Variants in CASP9 observed in about 807,000 individuals in gnomAD.
The protein encoded by CASP9 is caspase 9, also known as caspase-9.
Under a neutral mutation model 43.5 loss-of-function variants are expected in CASP9, and 29 were observed. The observed-to-expected ratio is 0.67, with a 90% confidence interval of 0.50 to 0.91. The LOEUF is 0.91. Among genes scored for constraint, CASP9 ranks in the 40% least tolerant of loss-of-function variants. CASP9 has a pLI of 0.00. For synonymous variants in CASP9, 206 were observed against 211.9 expected (o/e 0.97, Z 0.24); for missense variants, 575 against 537.4 (o/e 1.07, Z -0.69).
In CASP9 at chr1:15,518,241, GCTGCTTGC is replaced by G; in HGVS notation, c.279_286del (p.Arg93SerfsTer43). On this transcript the variant is annotated frameshift_variant, in exon 2 of 9. Transcript: ENST00000333868. LOFTEE classifies it high-confidence loss of function. Reference sequence around the variant, plus strand: ...TTCTAGGGTTGGCTTCGACAACTTTGCTGCTTGCCTGTTAGTTCGCAGAAACGAAGCCA... The same window carrying G: ...TTCTAGGGTTGGCTTCGACAACTTTGCTGTTAGTTCGCAGAAACGAAGCCA... 1 of 1,614,228 alleles carries G rather than the reference GCTGCTTGC, an allele frequency of 6.2e-7. No homozygotes were observed. Among genetic ancestry groups the G allele is most frequent in the Non-Finnish European group, 8.5e-7 (1 of 1,180,044 alleles).
intron 6 of CASP9, among the ~76,000 whole-genome samples, chr1:15,499,817 A>G (rs1557537760): frequency 6.6e-6 from 1 of 152,258 alleles, no homozygotes; most frequent in African/African-American, 2.4e-5. Context: ...CAAAAGGAAG[A>G]TGCAAAAATG....
intron 6 of CASP9, among the ~76,000 whole-genome samples, chr1:15,498,157 C>T (rs1709185462): frequency 6.6e-6 from 1 of 152,098 alleles, no homozygotes; most frequent in African/African-American, 2.4e-5. Flanking sequence ...AATCACAGCT[C>T]ACTGCAGCCT....
chr1:15,517,266 T>C (rs4646014), intron 2 of CASP9, among the ~76,000 whole-genome samples: 89,114 of 151,880 alleles, frequency 0.59, 26,803 homozygotes, highest in African/African-American at 0.71. Context: ...TACCGATATG[T>C]ACAACAATAT....
chr1:15,505,696 G>A (rs984035468), intron 5 of CASP9, among the ~76,000 whole-genome samples: 2 of 151,972 alleles, frequency 1.3e-5, no homozygotes, highest in African/African-American at 2.4e-5. Flanking sequence ...CATGTGTGCT[G>A]TACCCGCCTC....
chr1:15,521,995 G>A (rs566399761), intron 1 of CASP9, among the ~76,000 whole-genome samples: 3 of 152,184 alleles, frequency 2.0e-5, no homozygotes, highest in Non-Finnish European at 4.4e-5. Context: ...CTCACTAGCA[G>A]AACAGTTGGC....
At chr1:15,507,811 G>A (rs908206578) in intron 3 of CASP9, 62 bp downstream of exon 3, 2 of 1,530,360 alleles carry the variant, frequency 1.3e-6, no homozygotes, top group African/African-American at 2.7e-5. Context: ...GGAAGGACCT[G>A]AGGGGTGGGG....
intron 6 of CASP9, among the ~76,000 whole-genome samples, chr1:15,495,887 T>C (rs186928272): frequency 7.5e-4 from 115 of 152,350 alleles, no homozygotes; most frequent in African/African-American, 2.7e-3. Flanking sequence ...TCCCTGCATT[T>C]TCCCCTGCCC....
intron 2 of CASP9, among the ~76,000 whole-genome samples, chr1:15,511,468 A>G (rs1236535602): frequency 6.6e-6 from 1 of 151,770 alleles, no homozygotes; most frequent in East Asian, 1.9e-4. Flanking sequence ...CAATGGCACA[A>G]TCTTGGCTCA....
Position 15,524,093 on chromosome 1 carries a change from C to A in CASP9, c.108G>T (p.Arg36Ser). 1.3e-6 allele frequency: 2 copies of A among 1,539,402 alleles called. No individual in the cohort carries two copies. Among genetic ancestry groups the A allele is most frequent in the African/African-American group, 1.4e-5 (1 of 72,130 alleles). The change falls in exon 1 of 9, where the codon AGG (arginine) becomes AGT (serine). Residue 36 changes from arginine to serine, a missense_variant. Transcript: ENST00000333868. ...CCTGGATGTCCTCGATCATATGGGG[C>A]CTGAACAGCTCGCGGCTCAGCAGGG... ...WDALLSRELF[R>S]PHMIEDIQRA... is the part of the protein sequence containing the mutation.
At chr1:15,518,080 C>A in intron 2 of CASP9, 30 bp downstream of exon 2, 1 of 1,609,768 alleles carries the variant, frequency 6.2e-7, no homozygotes, top group Non-Finnish European at 8.5e-7. Context: ...CGTGTCATGC[C>A]CACCCACCAA....
intron 1 of CASP9, among the ~76,000 whole-genome samples, chr1:15,522,748 T>G (rs1710256246): frequency 1.3e-5 from 2 of 152,158 alleles, no homozygotes; most frequent in African/African-American, 4.8e-5. Context: ...CTGGGCCATT[T>G]GTTGATATGG....
chr1:15,511,521 A>G (rs1390674141), intron 2 of CASP9, among the ~76,000 whole-genome samples: 1 of 151,928 alleles, frequency 6.6e-6, no homozygotes, highest in Non-Finnish European at 1.5e-5. Context: ...CTCCTGCCTC[A>G]GCCTCCCAAG....
chr1:15,503,391 G>A (rs999195312), intron 6 of CASP9, among the ~76,000 whole-genome samples: 1 of 152,184 alleles, frequency 6.6e-6, no homozygotes, highest in East Asian at 1.9e-4. Context: ...GTGATAGATA[G>A]GTCAGTAGCC....
chr1:15,501,595 T>C (rs1162558292), intron 6 of CASP9, among the ~76,000 whole-genome samples: 3 of 152,110 alleles, frequency 2.0e-5, no homozygotes, highest in Non-Finnish European at 2.9e-5. Context: ...CGCCACCATG[T>C]GGTAACTGCG....
chr1:15,502,114 G>A (rs1709352128), intron 6 of CASP9, among the ~76,000 whole-genome samples: 1 of 152,178 alleles, frequency 6.6e-6, no homozygotes. Context: ...TGTGGGCTCT[G>A]TGCCAGGCTG....
rs777376062 is a variant in CASP9 at position 15,492,903 on chromosome 1, C to A, written c.*40G>T. On this transcript the variant is annotated 3_prime_UTR_variant, in exon 9 of 9. Coordinates refer to ENST00000333868, the MANE Select transcript of CASP9 (RefSeq NM_001229.5). Reference sequence around the variant, plus strand: ...CTCTTTCAGGCCTGGGGCAGGAAAGCTTTGGGGTGCAAGATAAGGCAGGGT... The same window carrying A: ...CTCTTTCAGGCCTGGGGCAGGAAAGATTTGGGGTGCAAGATAAGGCAGGGT... 2.3e-5 allele frequency: 37 copies of A among 1,610,090 alleles called. No homozygotes were observed. The highest frequency in any genetic ancestry group is 2.9e-5 in the Non-Finnish European group (34 of 1,179,522).
At chr1:15,493,389 A>G in intron 8 of CASP9, 2 of 1,228,700 alleles carry the variant, frequency 1.6e-6, no homozygotes, top group Non-Finnish European at 2.0e-6. Flanking sequence ...CCCTCAGAGG[A>G]AGCAACTGCT....
At chr1:15,513,003 AC>A (rs1426911231) in intron 2 of CASP9, among the ~76,000 whole-genome samples, 1 of 152,100 alleles carries the variant, frequency 6.6e-6, no homozygotes, top group African/African-American at 2.4e-5. Flanking sequence ...TAAAAAAAAT[AC>A]AAAAAAATTA....
chr1:15,524,769 G>A, upstream of CASP9: 1 of 992,778 alleles, frequency 1.0e-6, no homozygotes, highest in Non-Finnish European at 1.2e-6. Context: ...CCGCGTCACC[G>A]CCCACTCCCC....
Sources: allele counts gnomAD v4.1 joint callset (sites outside exome capture counted in the v4.1 genomes callset), GRCh38; gene constraint gnomAD v4.1.1; transcripts MANE v1.5; gene names NCBI Gene and HGNC (gene_info 2026-07-23, HGNC 2026-07-21).